The following CCNJL variants were observed in gnomAD, a reference collection of about 807,000 sequenced individuals.
The protein encoded by CCNJL is cyclin-J-like protein.
A neutral mutation model predicts 33.4 loss-of-function variants in CCNJL; 33 were observed. The ratio of observed to expected loss-of-function variants is 0.99; its 90% CI spans 0.75 to 1.32. The LOEUF is 1.32. Among genes scored for constraint, CCNJL ranks in the 40% most tolerant of loss-of-function variants. CCNJL has a pLI of 0.00. For synonymous variants in CCNJL, 227 were observed against 220.9 expected, an observed-to-expected ratio of 1.03 and a Z score of -0.24; for missense variants, 512 against 499.7, an observed-to-expected ratio of 1.02 and a Z score of -0.23.
At chr5:160,268,272 T>G (rs774904215) in intron 3 of CCNJL, among the ~76,000 whole-genome samples, 1 of 152,206 alleles carries the variant, frequency 6.6e-6, no homozygotes, top group Non-Finnish European at 1.5e-5. Flanking sequence ...TGTAAGGCAG[T>G]GCAGCGGGCA....
intron 3 of CCNJL, chr5:160,269,462 C>T (rs370386599): frequency 4.4e-6 from 2 of 456,506 alleles, no homozygotes; most frequent in South Asian, 1.5e-5. Context: ...TCCTAACTCA[C>T]CAGGGGCTGC....
chr5:160,278,347 G>T (rs1352674551), intron 3 of CCNJL, among the ~76,000 whole-genome samples: 2 of 152,046 alleles, frequency 1.3e-5, no homozygotes, highest in East Asian at 1.9e-4. Context: ...TTGACAGGTG[G>T]GGGGGCAAGA....
intron 2 of CCNJL, among the ~76,000 whole-genome samples, chr5:160,305,827 A>T (rs1763078837): frequency 6.6e-6 from 1 of 152,212 alleles, no homozygotes; most frequent in Non-Finnish European, 1.5e-5. Context: ...AATATATGGG[A>T]GCATGCTGGC....
chr5:160,322,312 T>C (rs1763480837), intron 1 of CCNJL, among the ~76,000 whole-genome samples: 1 of 152,350 alleles, frequency 6.6e-6, no homozygotes, highest in South Asian at 2.1e-4. Flanking sequence ...GTATTACAGC[T>C]AAGGCTCTAA....
chr5:160,305,399 A>AT (rs1367915569), intron 2 of CCNJL, among the ~76,000 whole-genome samples: 2 of 152,272 alleles, frequency 1.3e-5, no homozygotes, highest in East Asian at 3.9e-4. Flanking sequence ...CAGAGGCCAA[A>AT]TCACTTTGAG....
intron 2 of CCNJL, among the ~76,000 whole-genome samples, chr5:160,287,446 G>T (rs1762441731): frequency 6.6e-6 from 1 of 152,206 alleles, no homozygotes. Context: ...CCCCTCACTG[G>T]GAAAAGGGAG....
intron 5 of CCNJL, chr5:160,255,300 G>T (rs889325952): frequency 8.9e-5 from 24 of 270,498 alleles, no homozygotes; most frequent in Non-Finnish European, 1.5e-4. Flanking sequence ...GTGACAGAGC[G>T]AGACTCTGTC....
At chr5:160,312,796 G>C (rs1406661478), upstream of CCNJL, 1 of 152,218 alleles carries the variant, frequency 6.6e-6, no homozygotes, top group African/African-American at 2.4e-5. Flanking sequence ...CTTGCGCAGG[G>C]AGCAAAGGGA....
intron 2 of CCNJL, among the ~76,000 whole-genome samples, chr5:160,293,864 A>C (rs1762666952): frequency 6.6e-6 from 1 of 152,134 alleles, no homozygotes; most frequent in Non-Finnish European, 1.5e-5. Flanking sequence ...CTTCGTAAAC[A>C]GCTCAAGGTG....
chr5:160,320,929 T>G (rs2113472415), intron 1 of CCNJL, among the ~76,000 whole-genome samples: 1 of 149,608 alleles, frequency 6.7e-6, no homozygotes, highest in South Asian at 2.2e-4. Context: ...CCTTCCTTCC[T>G]TCTTTCCTTC....
intron 2 of CCNJL, among the ~76,000 whole-genome samples, chr5:160,288,209 G>T (rs1289556561): frequency 6.7e-6 from 1 of 148,832 alleles, no homozygotes; most frequent in Non-Finnish European, 1.5e-5. Flanking sequence ...GAGAGGTCGG[G>T]ATGGGCACTG....
chr5:160,300,808 T>C (rs1762897890), intron 2 of CCNJL, among the ~76,000 whole-genome samples: 1 of 152,140 alleles, frequency 6.6e-6, no homozygotes, highest in African/African-American at 2.4e-5. Context: ...TACAGGTGCA[T>C]GCCACCATGC....
At chr5:160,326,651 C>T (rs1763539942) in intron 1 of CCNJL, 2 of 733,846 alleles carry the variant, frequency 2.7e-6, no homozygotes, top group African/African-American at 3.5e-5. Context: ...GAGTTAAAAG[C>T]TTGAAATCAG....
chr5:160,283,261 A>G (rs1448441731), intron 2 of CCNJL, among the ~76,000 whole-genome samples: 1 of 152,046 alleles, frequency 6.6e-6, no homozygotes, highest in Non-Finnish European at 1.5e-5. Context: ...CACATATTAT[A>G]TAATTCCATT....
At chr5:160,277,722 C>A (rs1762063144) in intron 3 of CCNJL, among the ~76,000 whole-genome samples, 1 of 151,170 alleles carries the variant, frequency 6.6e-6, no homozygotes, top group Non-Finnish European at 1.5e-5. Flanking sequence ...GAGAAAATCC[C>A]ATCTCTGCTT....
chr5:160,289,815 T>C (rs1202848949), intron 2 of CCNJL, among the ~76,000 whole-genome samples: 1 of 152,102 alleles, frequency 6.6e-6, no homozygotes, highest in Non-Finnish European at 1.5e-5. Flanking sequence ...CGTCCCCAGG[T>C]GCTGACCTTG....
chr5:160,308,696 T>G (rs932332057), intron 2 of CCNJL, among the ~76,000 whole-genome samples: 6 of 152,242 alleles, frequency 3.9e-5, no homozygotes, highest in Non-Finnish European at 7.3e-5. Context: ...AGGCGGAGGT[T>G]GCACTGAGCT....
At chr5:160,282,973 A>ACATATATATATATATATG (rs1762268024) in intron 2 of CCNJL, among the ~76,000 whole-genome samples, 4 of 43,814 alleles carry the variant, frequency 9.1e-5, no homozygotes, top group African/African-American at 7.2e-4. Context: ...TGGAATATAT[A>ACATATATATATATATATG]TATATATATA....
At chr5:160,326,334 G>A (rs568054931) in intron 1 of CCNJL, among the ~76,000 whole-genome samples, 204 of 151,874 alleles carry the variant, frequency 1.3e-3, no homozygotes, top group African/African-American at 4.6e-3. Flanking sequence ...AATTAGCCAG[G>A]CATGGTGGCA....
Sources: allele counts gnomAD v4.1 joint callset (sites outside exome capture counted in the v4.1 genomes callset), GRCh38; gene constraint gnomAD v4.1.1; transcripts MANE v1.5; gene names NCBI Gene and HGNC (gene_info 2026-07-23, HGNC 2026-07-21).